The following ASTN1 variants were observed in gnomAD, a reference collection of about 807,000 sequenced individuals.
ASTN1 encodes astrotactin 1, also known as astrotactin-1.
A neutral mutation model predicts 140.7 loss-of-function variants in ASTN1; 41 were observed. That is an observed-to-expected ratio of 0.29 (90% CI 0.23 to 0.38). The LOEUF is 0.38. ASTN1 is among the 10% of genes least tolerant of loss of function. The pLI is 1.00. For synonymous variants in ASTN1, 640 were observed against 652.2 expected, an observed-to-expected ratio of 0.98 and a Z score of 0.29; for missense variants, 1,479 against 1,678.8, an observed-to-expected ratio of 0.88 and a Z score of 2.08.
intron 9 of ASTN1, among the ~76,000 whole-genome samples, chr1:176,963,674 G>C (rs541837979): frequency 6.6e-6 from 1 of 152,108 alleles, no homozygotes; most frequent in African/African-American, 2.4e-5. Context: ...TAAGGCCCTT[G>C]TTTTTCAAAC....
chr1:176,914,806 G>A (rs191784056), intron 16 of ASTN1, among the ~76,000 whole-genome samples: 1 of 152,166 alleles, frequency 6.6e-6, no homozygotes, highest in East Asian at 1.9e-4. Context: ...AGAGAATGAG[G>A]GACAATCCAG....
In ASTN1 at chr1:177,078,644, A is replaced by C. The variant is rs148963923; in HGVS notation, c.284-17379T>G. 1.5e-3 allele frequency among the ~76,000 whole-genome samples: 230 copies of C among 152,338 alleles called. 1 individual carries two copies. The highest frequency in any genetic ancestry group is 5.4e-3 in the African/African-American group (224 of 41,586). The stretch of plus-strand genomic sequence containing the variant: ...AGTTCCCAGATTTCTTCATTATTGT[A>C]AAGTCTAGGTACGGCCCTTTTTTCA... On this transcript the variant is annotated intron_variant, in intron 1 of 22. Transcript: ENST00000361833.
intron 16 of ASTN1, among the ~76,000 whole-genome samples, chr1:176,901,838 G>A (rs907776563): frequency 2.0e-5 from 3 of 152,132 alleles, no homozygotes; most frequent in East Asian, 1.9e-4. Flanking sequence ...AAATAGTCCC[G>A]AATCCAAAGG....
Position 176,958,389 on chromosome 1 carries a change from C to T in ASTN1, c.1692G>A (p.Lys564=). 1 of 1,614,130 alleles carries T rather than the reference C, an allele frequency of 6.2e-7. No homozygotes were observed. The change falls in exon 10 of 23, where the codon AAG becomes AAA. Residue 564 remains lysine, a synonymous_variant. Coordinates refer to ENST00000361833, the MANE Select transcript of ASTN1 (RefSeq NM_004319.3). The part of the protein sequence containing the change: ...PAELAINPSA[K]CKTDMTVMED... Reference sequence around the variant, plus strand: ...CCATCACAGTCATGTCCGTCTTGCACTTTGCTGATGGATTGATGGCCAGTT... The same window carrying T: ...CCATCACAGTCATGTCCGTCTTGCATTTTGCTGATGGATTGATGGCCAGTT...
intron 1 of ASTN1, among the ~76,000 whole-genome samples, chr1:177,149,738 TGTATATA>T (rs1682942547): frequency 1.4e-5 from 1 of 73,640 alleles, no homozygotes; most frequent in Non-Finnish European, 2.1e-5. Flanking sequence ...ATATATACAC[TGTATATA>T]CATAGTAAAT....
intron 2 of ASTN1, among the ~76,000 whole-genome samples, chr1:177,034,372 T>C (rs2101980980): frequency 6.6e-6 from 1 of 152,208 alleles, no homozygotes; most frequent in Admixed American, 6.5e-5. Flanking sequence ...ATGTGGCTTG[T>C]TGGGGACAGA....
At chr1:176,928,216 C>T (rs533180284) in intron 16 of ASTN1, among the ~76,000 whole-genome samples, 1 of 152,234 alleles carries the variant, frequency 6.6e-6, no homozygotes, top group South Asian at 2.1e-4. Flanking sequence ...TAGGAATAGA[C>T]TATCTCTGGA....
intron 8 of ASTN1, among the ~76,000 whole-genome samples, chr1:176,977,389 T>C (rs1177474070): frequency 6.6e-6 from 1 of 152,226 alleles, no homozygotes; most frequent in Admixed American, 6.5e-5. Context: ...AAATGATTAA[T>C]ACACATTTTC....
At chr1:176,997,740 G>T (rs150514967) in intron 8 of ASTN1, among the ~76,000 whole-genome samples, 50 of 152,242 alleles carry the variant, frequency 3.3e-4, no homozygotes, top group Middle Eastern at 3.4e-3. Flanking sequence ...ATAGAAATAA[G>T]ACAAGGCACG....
chr1:177,112,114 G>T (rs1680849923), intron 1 of ASTN1, among the ~76,000 whole-genome samples: 1 of 152,300 alleles, frequency 6.6e-6, no homozygotes, highest in East Asian at 1.9e-4. Flanking sequence ...GTGCAATCTG[G>T]GTTCCAGGCT....
intron 8 of ASTN1, among the ~76,000 whole-genome samples, chr1:176,993,817 C>T (rs910957993): frequency 1.3e-5 from 2 of 152,206 alleles, no homozygotes; most frequent in African/African-American, 4.8e-5. Flanking sequence ...CATTCATTCA[C>T]TCATTCATTC....
At chr1:176,980,730 A>C (rs16850515) in intron 8 of ASTN1, among the ~76,000 whole-genome samples, 9,601 of 152,168 alleles carry the variant, frequency 0.063, 1,003 homozygotes, top group African/African-American at 0.22. Context: ...CTTCAGGTTC[A>C]AATGCTAAAA....
intron 1 of ASTN1, among the ~76,000 whole-genome samples, chr1:177,163,791 G>T (rs1238066872): frequency 6.6e-6 from 1 of 152,194 alleles, no homozygotes; most frequent in African/African-American, 2.4e-5. Context: ...AAGCATGGAG[G>T]TAGGACTTCC....
intron 13 of ASTN1, among the ~76,000 whole-genome samples, chr1:176,945,122 G>T (rs1043867369): frequency 9.2e-5 from 14 of 152,084 alleles, no homozygotes; most frequent in Non-Finnish European, 4.4e-5. Flanking sequence ...GTCCAAGGCA[G>T]AACAGGGACA....
rs769788987 is a variant in ASTN1, at chr1:177,014,855, C to T, written c.1459G>A (p.Gly487Ser). 2.5e-6 allele frequency: 4 copies of T among 1,613,634 alleles called. No individual in the cohort carries two copies. The Admixed American group carries it at 5.0e-5, about 20-fold the overall frequency. ...TTATGTACTGGATCCTTCATGTAGC[C>T]TTCATAGCAGAGGCATTCCCCTTAG... The part of the protein sequence containing the change: ...PETGECLCYE[G>S]YMKDPVHKHL... The change falls in exon 8 of 23, where the codon GGC (glycine) becomes AGC (serine). Residue 487 changes from glycine (G) to serine (S), a missense_variant. Gly to Ser is a moderately conservative substitution (Grantham distance 56, BLOSUM62 0). Coordinates refer to ENST00000361833, the MANE Select transcript of ASTN1 (RefSeq NM_004319.3).
At chr1:176,995,647 C>G (rs1674403913) in intron 8 of ASTN1, among the ~76,000 whole-genome samples, 1 of 152,126 alleles carries the variant, frequency 6.6e-6, no homozygotes, top group African/African-American at 2.4e-5. Flanking sequence ...GGAACCAGGT[C>G]AGGAAGCACT....
In ASTN1 at chr1:176,928,769, T is replaced by C. The variant is rs534448205; in HGVS notation, c.2671+5383A>G. Among the ~76,000 whole-genome samples, 8 of 152,318 alleles carry C rather than the reference T, an allele frequency of 5.3e-5. 1 individual carries two copies. The highest frequency in any genetic ancestry group is 1.9e-4 in the African/African-American group (8 of 41,566). ...TAATTATTTAAGGTCTAGCAATTTA[T>C]AGACCTTTAGGAGGCAATGCAAAAA... On this transcript the variant is annotated intron_variant, in intron 16 of 22. Coordinates refer to ENST00000361833, the MANE Select transcript of ASTN1 (RefSeq NM_004319.3).
At chr1:176,936,830 T>C (rs1192899025) in intron 14 of ASTN1, among the ~76,000 whole-genome samples, 5 of 152,220 alleles carry the variant, frequency 3.3e-5, no homozygotes, top group Admixed American at 2.0e-4. Flanking sequence ...GATGACCCCT[T>C]GCTTCCTTTT....
chr1:177,096,454 G>A (rs891588121), intron 1 of ASTN1, among the ~76,000 whole-genome samples: 2 of 152,158 alleles, frequency 1.3e-5, no homozygotes, highest in Non-Finnish European at 2.9e-5. Context: ...GTCTTTGGAA[G>A]ATGATTAGGT....
Sources: allele counts gnomAD v4.1 joint callset (sites outside exome capture counted in the v4.1 genomes callset), GRCh38; gene constraint gnomAD v4.1.1; transcripts MANE v1.5; gene names NCBI Gene and HGNC (gene_info 2026-07-23, HGNC 2026-07-21).